Variants in CCDC82 observed in about 807,000 individuals in gnomAD.
The protein encoded by CCDC82 is coiled-coil domain containing 82.
A neutral mutation model predicts 60.6 loss-of-function variants in CCDC82; 47 were observed. That is an observed-to-expected ratio of 0.77 (90% confidence interval 0.61 to 0.99). The LOEUF (loss-of-function observed/expected upper bound fraction) is 0.99, where lower values mean the gene tolerates loss of function less well. CCDC82 is among the 50% of genes least tolerant of loss of function. CCDC82 has a pLI of 0.00. For missense variants in CCDC82, 588 were observed against 633.0 expected, an observed-to-expected ratio of 0.93 and a Z score of 0.76; for synonymous variants, 212 against 207.4, an observed-to-expected ratio of 1.02 and a Z score of -0.19.
At chr11:96,359,665 A>G (rs972016910) in intron 8 of CCDC82, among the ~76,000 whole-genome samples, 84 of 130,016 alleles carry the variant, frequency 6.5e-4, no homozygotes, top group Admixed American at 1.2e-3. Context: ...AAAAAAAAAA[A>G]GCATGAAAAG....
chr11:96,365,651 G>A lies in CCDC82; in HGVS notation c.1210-501C>T, dbSNP rs147237262. On this transcript the variant is annotated intron_variant, in intron 7 of 9. Coordinates refer to ENST00000646818, the MANE Select transcript of CCDC82 (RefSeq NM_024725.4). Reference sequence around the variant, plus strand: ...TACTACAGTCCTGGGGAAAAAACAAGTTGGCACTAGGACTGCCACGTGTCT... The same window carrying A: ...TACTACAGTCCTGGGGAAAAAACAAATTGGCACTAGGACTGCCACGTGTCT... 3.0e-4 allele frequency among the ~76,000 whole-genome samples: 46 copies of A among 152,270 alleles called. No individual in the cohort carries two copies. In the East Asian group the frequency reaches 8.9e-3, roughly 29 times the overall value.
intron 9 of CCDC82, chr11:96,355,445 T>G (rs1015970032): frequency 3.9e-5 from 6 of 152,150 alleles, no homozygotes; most frequent in Non-Finnish European, 2.9e-5. Flanking sequence ...AATCAATCAC[T>G]TACTAATTGC....
chr11:96,357,927 G>C (rs915680831), intron 9 of CCDC82: 1 of 985,270 alleles, frequency 1.0e-6, no homozygotes, highest in Non-Finnish European at 1.2e-6. Flanking sequence ...AAGACTTAAG[G>C]ATCAAGATGT....
At chr11:96,383,530 G>A (rs536811812) in intron 4 of CCDC82, 57 bp from the exon 5 acceptor site, 31 of 1,093,772 alleles carry the variant, frequency 2.8e-5, no homozygotes, top group Middle Eastern at 2.1e-4. Flanking sequence ...GGTAAGCATC[G>A]ATATAAAATT....
intron 4 of CCDC82, 47 bp downstream of exon 4, chr11:96,383,915 A>G (rs371369506): frequency 2.5e-5 from 38 of 1,518,744 alleles, no homozygotes; most frequent in Non-Finnish European, 3.2e-5. Context: ...AAATACTTTA[A>G]GAAAAAAACT....
In CCDC82 at chr11:96,364,980, C is replaced by T. The variant is rs143571415; in HGVS notation, c.1380G>A (p.Gln460=). 5 of 1,591,126 alleles carry T rather than the reference C, an allele frequency of 3.1e-6. No individual in the cohort carries two copies. The highest frequency in any genetic ancestry group is 4.3e-6 in the Non-Finnish European group (5 of 1,171,724). The part of the protein sequence containing the change: ...QIDNFMSHDK[Q]VFTVGRICAS... ...ATTAAGATTAGAGGGAAGAAAATAC[C>T]TGTTTATCATGTGACATGAAATTAT... Residue 460 remains glutamine (Q), a splice_region_variant and synonymous_variant, in exon 8 of 10, where the codon CAG becomes CAA. Coordinates refer to ENST00000646818, the MANE Select transcript of CCDC82 (RefSeq NM_024725.4).
At chr11:96,368,094 A>G (rs1193218268) in intron 7 of CCDC82, among the ~76,000 whole-genome samples, 1 of 152,160 alleles carries the variant, frequency 6.6e-6, no homozygotes, top group Non-Finnish European at 1.5e-5. Flanking sequence ...TGCTGGGATT[A>G]CAGGCCTGAG....
chr11:96,388,351 A>T (rs1866321576), intron 1 of CCDC82: 1 of 152,182 alleles, frequency 6.6e-6, no homozygotes, highest in Admixed American at 6.5e-5. Flanking sequence ...CTGAAATGAG[A>T]ATTTTATCGA....
At chr11:96,361,464 A>G (rs1864658143) in intron 8 of CCDC82, among the ~76,000 whole-genome samples, 2 of 152,234 alleles carry the variant, frequency 1.3e-5, no homozygotes. Flanking sequence ...ATAGATCTAT[A>G]AATCAAAAAT....
chr11:96,358,349 A>G, intron 9 of CCDC82: 1 of 1,213,928 alleles, frequency 8.2e-7, no homozygotes, highest in Non-Finnish European at 1.0e-6. Flanking sequence ...AGAGCTTGTA[A>G]GCTGCCAGCA....
At chr11:96,378,880 CTA>C (rs994829662) in intron 5 of CCDC82, among the ~76,000 whole-genome samples, 6 of 151,938 alleles carry the variant, frequency 3.9e-5, no homozygotes, top group African/African-American at 1.4e-4. Context: ...AAGAAAAAGA[CTA>C]TGACTGTAGC....
chr11:96,358,350 G>A (rs1864453091), intron 9 of CCDC82: 1 of 1,213,616 alleles, frequency 8.2e-7, no homozygotes, highest in Non-Finnish European at 1.0e-6. Context: ...GAGCTTGTAA[G>A]CTGCCAGCAG....
chr11:96,379,088 G>A (rs182191017), intron 5 of CCDC82, among the ~76,000 whole-genome samples: 133 of 152,006 alleles, frequency 8.7e-4, no homozygotes, highest in African/African-American at 3.0e-3. Context: ...AATATGATTC[G>A]TTGGCAGGAG....
intron 1 of CCDC82, chr11:96,388,077 A>G (rs554791512): frequency 1.3e-5 from 2 of 152,362 alleles, no homozygotes; most frequent in East Asian, 3.9e-4. Context: ...CATTTATATC[A>G]GTAAGGTAAA....
At chr11:96,381,494 A>G (rs577069141) in intron 5 of CCDC82, 3 of 151,872 alleles carry the variant, frequency 2.0e-5, no homozygotes, top group East Asian at 3.9e-4. Context: ...AAATATTTGG[A>G]AAGAATGCAC....
At chr11:96,361,643 GTATTGT>G (rs1386952319) in intron 8 of CCDC82, among the ~76,000 whole-genome samples, 4 of 152,136 alleles carry the variant, frequency 2.6e-5, no homozygotes, top group African/African-American at 9.7e-5. Flanking sequence ...TGTTTTTAGT[GTATTGT>G]TACAGCCCAT....
At position 96,384,666 on chromosome 11, in the gene CCDC82, G is replaced by A. The variant is rs747223490; in HGVS notation, c.82C>T (p.Arg28Ter). ...PEQKSRVDWRRTKRSSISQLL... is the reference protein window; with the variant it reads ...PEQKSRVDWR ...TGTGAGATACTACTTCTTTTAGTTC[G>A]CCTCCAATCAACTCGAGATTTCTGC... Residue 28 changes from arginine to a stop codon, truncating the protein, a stop_gained, in exon 4 of 10, where the codon CGA becomes TGA. Coordinates refer to ENST00000646818, the MANE Select transcript of CCDC82 (RefSeq NM_024725.4). LOFTEE classifies it high-confidence loss of function. The A allele has an allele frequency of 1.9e-6, 3 of 1,612,922 alleles. No individual in the cohort carries two copies. The highest frequency in any genetic ancestry group is 2.2e-5 in the South Asian group (2 of 90,968).
intron 5 of CCDC82, among the ~76,000 whole-genome samples, chr11:96,374,641 A>C (rs774782212): frequency 1.3e-5 from 2 of 152,148 alleles, no homozygotes; most frequent in Non-Finnish European, 2.9e-5. Flanking sequence ...AAATGAAATA[A>C]TACTTCATTT....
intron 8 of CCDC82, among the ~76,000 whole-genome samples, chr11:96,360,417 G>A (rs193197232): frequency 3.3e-5 from 5 of 150,854 alleles, no homozygotes; most frequent in East Asian, 3.9e-4. Flanking sequence ...CCATGGTCTC[G>A]AACTCCTGAC....
Sources: allele counts gnomAD v4.1 joint callset (sites outside exome capture counted in the v4.1 genomes callset), GRCh38; gene constraint gnomAD v4.1.1; transcripts MANE v1.5; gene names NCBI Gene and HGNC (gene_info 2026-07-23, HGNC 2026-07-21).